Variants in HMCN1 observed in about 807,000 individuals in gnomAD.
HMCN1 encodes the protein hemicentin 1, also known as hemicentin-1.
A neutral mutation model predicts 625.9 loss-of-function variants in HMCN1; 321 were observed. That is an observed-to-expected ratio of 0.51 (90% CI 0.47 to 0.56). HMCN1 has a LOEUF of 0.56. Ranked by LOEUF, HMCN1 falls within the 20% of genes least tolerant of loss-of-function variation. The probability of loss-of-function intolerance (pLI) is 0.00; values close to 1 mark genes in which losing one functional copy is unlikely to be tolerated. For synonymous variants in HMCN1, 2,425 were observed against 2,417.6 expected (o/e 1.00, Z -0.09); for missense variants, 6,588 against 6,887.3 (o/e 0.96, Z 1.54).
At chr1:185,910,714 G>C (rs896970359) in intron 5 of HMCN1, among the ~76,000 whole-genome samples, 3 of 151,808 alleles carry the variant, frequency 2.0e-5, no homozygotes, top group African/African-American at 7.3e-5. Context: ...GGGATTACAG[G>C]TGCGCACCAC....
rs374203343 is a variant in HMCN1 at position 185,991,892 on chromosome 1, C to A, written c.3378-1290C>A. ...AAAGGGACAGTATTGGTTGTCCATCCACCAACAGAATATAAGTGTACCTGT... is the reference window on the plus strand; with the variant it reads ...AAAGGGACAGTATTGGTTGTCCATCAACCAACAGAATATAAGTGTACCTGT... On this transcript the variant is annotated intron_variant, in intron 22 of 106. Transcript: ENST00000271588. Among the ~76,000 whole-genome samples, 11 of 152,242 alleles carry A rather than the reference C, an allele frequency of 7.2e-5. No individual in the cohort carries two copies. The East Asian group carries it at 2.1e-3, about 29-fold the overall frequency.
intron 75 of HMCN1, 109 bp from the exon 76 acceptor site, chr1:186,116,885 G>A: frequency 8.0e-7 from 1 of 1,244,870 alleles, no homozygotes; most frequent in Non-Finnish European, 1.2e-6. Context: ...TTAACATGAG[G>A]GAAGAGTACT....
chr1:185,823,976 T>C (rs1024159721), intron 1 of HMCN1, among the ~76,000 whole-genome samples: 1 of 152,180 alleles, frequency 6.6e-6, no homozygotes, highest in Non-Finnish European at 1.5e-5. Context: ...TTTTGTTTGT[T>C]TATTTTGTCA....
intron 1 of HMCN1, among the ~76,000 whole-genome samples, chr1:185,805,327 C>G (rs1247015495): frequency 1.3e-5 from 2 of 152,078 alleles, no homozygotes; most frequent in Non-Finnish European, 2.9e-5. Flanking sequence ...ATGAAATGGA[C>G]AAGTGACAGT....
At position 186,137,554 on chromosome 1, in the gene HMCN1, A is replaced by C; in HGVS notation, c.13639A>C (p.Lys4547Gln). The C allele has an allele frequency of 2.5e-6, 4 of 1,613,862 alleles. No individual in the cohort carries two copies. The highest frequency in any genetic ancestry group is 3.4e-6 in the Non-Finnish European group (4 of 1,179,924). Reference protein sequence around the residue: ...AWRACSVTCGKGIQKRSRLCN... With the variant: ...AWRACSVTCGQGIQKRSRLCN... Reference sequence around the variant, plus strand: ...GAGAGCCTGCAGTGTCACCTGTGGAAAAGGCATCCAAAAGAGGAGTCGTCT... The same window carrying C: ...GAGAGCCTGCAGTGTCACCTGTGGACAAGGCATCCAAAAGAGGAGTCGTCT... The change falls in exon 88 of 107, where the codon AAA becomes CAA. Residue 4547 changes from lysine to glutamine, a missense_variant. Lys to Gln is a moderately conservative substitution (Grantham distance 53). Around this residue, in one of 3 missense-constraint regions of HMCN1, gnomAD observed 1,954 missense variants for 2,013.1 expected, o/e 0.97. Transcript: ENST00000271588.
intron 1 of HMCN1, among the ~76,000 whole-genome samples, chr1:185,811,611 A>C (rs897705356): frequency 6.8e-6 from 1 of 147,846 alleles, no homozygotes; most frequent in African/African-American, 2.5e-5. Context: ...AAATAAAAAT[A>C]AAAAAAAAAG....
rs1312958393 is a variant in HMCN1, at chr1:186,082,929, G to A, written c.8852G>A (p.Ser2951Asn). 2 of 1,592,026 alleles carry A rather than the reference G, an allele frequency of 1.3e-6. No individual in the cohort carries two copies. The highest frequency in any genetic ancestry group is 1.7e-6 in the Non-Finnish European group (2 of 1,167,514). The change falls in exon 57 of 107, where the codon AGT (serine) becomes AAT (asparagine). Residue 2951 changes from serine (S) to asparagine (N), a missense_variant. Ser to Asn is a conservative substitution (Grantham distance 46, BLOSUM62 1). Around this residue, in one of 3 missense-constraint regions of HMCN1, gnomAD observed 4,628 missense variants for 4,853.1 expected, o/e 0.95. Transcript: ENST00000271588. ...TGTGTTGCTGAGAACACAGCTGGGA[G>A]TGCCAAAAAATATTTTAACCTCAAT... ...YVCVAENTAG[S>N]AKKYFNLNVH...
At chr1:186,131,957 A>G (rs988728625) in intron 85 of HMCN1, among the ~76,000 whole-genome samples, 2 of 152,168 alleles carry the variant, frequency 1.3e-5, no homozygotes, top group Non-Finnish European at 2.9e-5. Context: ...GATTATTTTA[A>G]TGCTTTTTAA....
rs142686632 is a variant in HMCN1, at chr1:186,123,092, G to T, written c.12371G>T (p.Arg4124Leu). Residue 4124 changes from arginine to leucine, a missense_variant, in exon 81 of 107, where the codon CGC (arginine) becomes CTC (leucine). Arg to Leu is a moderately radical substitution (Grantham distance 102, BLOSUM62 -2). Transcript: ENST00000271588. ...GGGCGTGCAATTGTGGAATCTATCC[G>T]CCAGCGCGTCCTCAGCTCTGGCTCT... is the stretch of plus-strand genomic sequence containing the variant. ...KDGRAIVESI[R>L]QRVLSSGSLQ... 27 of 1,613,938 alleles carry T rather than the reference G, an allele frequency of 1.7e-5. No homozygotes were observed. The highest frequency in any genetic ancestry group is 2.1e-5 in the Non-Finnish European group (25 of 1,180,008).
chr1:186,164,709 G>A (rs1032043711), intron 97 of HMCN1, among the ~76,000 whole-genome samples: 28 of 152,108 alleles, frequency 1.8e-4, no homozygotes, highest in African/African-American at 6.0e-4. Context: ...TATTTTTCAC[G>A]GGCACAAATT....
chr1:186,108,035 T>TAAAA (rs559777006), intron 70 of HMCN1, among the ~76,000 whole-genome samples: 2 of 98,306 alleles, frequency 2.0e-5, no homozygotes, highest in African/African-American at 7.9e-5. Context: ...GTAAATTCTG[T>TAAAA]AAAAAAAAAA....
rs774611876 is a variant in HMCN1, at chr1:185,997,520, A to G, written c.3870A>G (p.Ala1290=). ...AACGCATTGAATTTCCATGTCCTGC[A>G]AAAGGTACGTAATACTGAAAGATAT... The part of the protein sequence containing the change: ...ANQRIEFPCP[A]KGTPKPTIKW... Residue 1290 remains alanine (A), a synonymous_variant, in exon 25 of 107, where the codon GCA becomes GCG. Coordinates refer to ENST00000271588, the MANE Select transcript of HMCN1 (RefSeq NM_031935.3). 20 of 1,601,330 alleles carry G rather than the reference A, an allele frequency of 1.2e-5. No individual in the cohort carries two copies. The African/African-American group carries it at 2.0e-4, about 16-fold the overall frequency.
Position 186,078,240 on chromosome 1 carries a change from ATTG to A in HMCN1, c.8599+23_8599+25del, listed in dbSNP as rs771351021. 52 of 1,531,586 alleles carry A rather than the reference ATTG, an allele frequency of 3.4e-5. No homozygotes were observed. In the South Asian group the frequency reaches 5.7e-4, roughly 17 times the overall value. 94.9% of individuals were successfully genotyped at this position (1,531,586 alleles called of 1,614,324 possible). A position where few individuals can be genotyped will look rare whatever the true frequency, so the allele number is the denominator to read the frequency against. ...TACTCGGTGAGTTTTTCTTTTGTTT[ATTG>A]TTCATTCTTTTACTGAAAAGTATTT... On this transcript the variant is annotated intron_variant, in intron 55 of 106. Transcript: ENST00000271588.
At chr1:186,147,465 G>C (rs1222838135) in intron 93 of HMCN1, among the ~76,000 whole-genome samples, 1 of 150,836 alleles carries the variant, frequency 6.6e-6, no homozygotes, top group Non-Finnish European at 1.5e-5. Context: ...GACCATGAAG[G>C]CTGAATCATC....
intron 100 of HMCN1, among the ~76,000 whole-genome samples, chr1:186,168,925 A>G (rs928669206): frequency 2.0e-5 from 3 of 151,980 alleles, no homozygotes; most frequent in Non-Finnish European, 2.9e-5. Context: ...CCCCCGCCCA[A>G]TCCCTCAACA....
chr1:185,933,759 A>T lies in HMCN1; in HGVS notation c.1763A>T (p.Glu588Val). The change falls in exon 11 of 107, where the codon GAG becomes GTG. Residue 588 changes from glutamate to valine, a missense_variant. Transcript: ENST00000271588. ...LKSVKFNDAG[E>V]YHCMVSSEGG... ...AGTGTGAAATTCAACGATGCTGGAG[A>T]GTATCATTGTATGGTTTCTAGTGAA... The T allele has an allele frequency of 6.2e-7, 1 of 1,613,842 alleles. No individual in the cohort carries two copies. Among genetic ancestry groups the T allele is most frequent in the South Asian group, 1.1e-5 (1 of 91,074 alleles).
In HMCN1 at chr1:185,887,414, G is replaced by A. The variant is rs570058538; in HGVS notation, c.621+21551G>A. Among the ~76,000 whole-genome samples, 143 of 150,784 alleles carry A rather than the reference G, an allele frequency of 9.5e-4. 2 individuals are homozygous for A. Among genetic ancestry groups the A allele is most frequent in the African/African-American group, 3.3e-3 (136 of 40,986 alleles). On this transcript the variant is annotated intron_variant, in intron 4 of 106. Coordinates refer to ENST00000271588, the MANE Select transcript of HMCN1 (RefSeq NM_031935.3). ...GCTGGTGTGCTGCACCCACTAACTCGTCATCTAGCATTAGGTATATCTCCC... is the reference window on the plus strand; with the variant it reads ...GCTGGTGTGCTGCACCCACTAACTCATCATCTAGCATTAGGTATATCTCCC...
chr1:186,099,692 A>C (rs1294663433), intron 68 of HMCN1, among the ~76,000 whole-genome samples: 1 of 152,156 alleles, frequency 6.6e-6, no homozygotes, highest in Non-Finnish European at 1.5e-5. Flanking sequence ...CCTCAAGCAT[A>C]AATCTGAGCC....
chr1:186,174,499 C>T lies in HMCN1; in HGVS notation c.15815-15C>T, dbSNP rs866109058. ...AAAGAGGAAATGTTACTTCTCATTG[C>T]CTCCATGTCTGTAGATATTGATGAA... On this transcript the variant is annotated splice_polypyrimidine_tract_variant and intron_variant, in intron 102 of 106. Coordinates refer to ENST00000271588, the MANE Select transcript of HMCN1 (RefSeq NM_031935.3). 6.2e-7 allele frequency: 1 copy of T among 1,613,270 alleles called. No individual in the cohort carries two copies. The highest frequency in any genetic ancestry group is 1.1e-5 in the South Asian group (1 of 91,054).
Sources: allele counts gnomAD v4.1 joint callset (sites outside exome capture counted in the v4.1 genomes callset), GRCh38; gene constraint gnomAD v4.1.1; regional missense constraint gnomAD v4.1.1; transcripts MANE v1.5; gene names NCBI Gene and HGNC (gene_info 2026-07-23, HGNC 2026-07-21).